TRPM3: variants seen among roughly 807,000 people sequenced by gnomAD.
TRPM3 encodes the protein long transient receptor potential channel 3.
TRPM3 carries 77 observed loss-of-function variants against 181.2 expected under a neutral mutation model. That is an observed-to-expected ratio of 0.42 (90% confidence interval 0.35 to 0.51). The LOEUF (loss-of-function observed/expected upper bound fraction) is 0.51. TRPM3 is among the 20% of genes least tolerant of loss of function. The pLI is 0.01. For synonymous variants in TRPM3, 745 were observed against 796.4 expected, an observed-to-expected ratio of 0.94 and a Z score of 1.09; for missense variants, 1,759 against 2,196.7, an observed-to-expected ratio of 0.80 and a Z score of 3.98.
At chr9:70,643,411 A>G (rs2058364406) in intron 9 of TRPM3, among the ~76,000 whole-genome samples, 1 of 152,218 alleles carries the variant, frequency 6.6e-6, no homozygotes, top group African/African-American at 2.4e-5. Context: ...CCTGAACAGG[A>G]ACACATAGCA....
chr9:71,066,729 A>T (rs2061978471), intron 1 of TRPM3, among the ~76,000 whole-genome samples: 1 of 152,102 alleles, frequency 6.6e-6, no homozygotes, highest in African/African-American at 2.4e-5. Flanking sequence ...TCTCTTTTTT[A>T]TGAGATGTAG....
intron 7 of TRPM3, chr9:70,775,219 A>T (rs1048214207): frequency 6.6e-6 from 1 of 152,180 alleles, no homozygotes; most frequent in African/African-American, 2.4e-5. Flanking sequence ...ACATTTTATT[A>T]TTTGCACCTC....
At chr9:71,188,567 A>C (rs2134979033) in intron 1 of TRPM3, among the ~76,000 whole-genome samples, 1 of 152,030 alleles carries the variant, frequency 6.6e-6, no homozygotes, top group East Asian at 1.9e-4. Flanking sequence ...ATACTCAACC[A>C]CTGAGTTTGA....
intron 1 of TRPM3, among the ~76,000 whole-genome samples, chr9:71,404,973 T>C (rs2093410045): frequency 6.6e-6 from 1 of 152,218 alleles, no homozygotes; most frequent in Non-Finnish European, 1.5e-5. Context: ...CATTGGTCCA[T>C]GACCCCTTCG....
intron 1 of TRPM3, among the ~76,000 whole-genome samples, chr9:71,060,348 C>T (rs1013584246): frequency 2.6e-5 from 4 of 152,100 alleles, no homozygotes; most frequent in African/African-American, 9.7e-5. Context: ...CTCAGCATTT[C>T]CTTTGCACCA....
chr9:70,794,121 G>A (rs1377880322), intron 6 of TRPM3, among the ~76,000 whole-genome samples: 1 of 151,962 alleles, frequency 6.6e-6, no homozygotes, highest in East Asian at 1.9e-4. Context: ...ACTTTAAGAT[G>A]AACTATTCAG....
intron 1 of TRPM3, among the ~76,000 whole-genome samples, chr9:71,389,125 C>G (rs552796736): frequency 5.3e-5 from 8 of 151,934 alleles, no homozygotes; most frequent in Non-Finnish European, 7.4e-5. Context: ...CTACAACGAA[C>G]TCAAAGCAGT....
rs377489474 is a variant in TRPM3, at chr9:71,167,411, G to A, written c.183+279242C>T. Among the ~76,000 whole-genome samples, 14 of 149,172 alleles carry A rather than the reference G, an allele frequency of 9.4e-5. No homozygotes were observed. The South Asian group carries it at 2.9e-3, about 31-fold the overall frequency. ...ACTAGAAGACATGAAGGACACAAGC[G>A]TGAACTTACCAGAATAATGCCTGCC... On this transcript the variant is annotated intron_variant, in intron 1 of 24. Transcript: ENST00000357533.
At chr9:70,999,238 C>A (rs1315455656) in intron 1 of TRPM3, among the ~76,000 whole-genome samples, 1 of 152,132 alleles carries the variant, frequency 6.6e-6, no homozygotes, top group African/African-American at 2.4e-5. Flanking sequence ...TCTATCCATC[C>A]GAAGTAGATC....
intron 1 of TRPM3, among the ~76,000 whole-genome samples, chr9:71,113,656 A>G (rs1565224975): frequency 6.6e-6 from 1 of 152,166 alleles, no homozygotes; most frequent in Non-Finnish European, 1.5e-5. Flanking sequence ...ATGATCCCTT[A>G]AAAAATAATT....
chr9:71,348,123 A>C (rs1207183922), intron 1 of TRPM3, among the ~76,000 whole-genome samples: 1 of 152,236 alleles, frequency 6.6e-6, no homozygotes, highest in African/African-American at 2.4e-5. Context: ...CTAAAAAGAA[A>C]ATTATTTTTG....
intron 1 of TRPM3, among the ~76,000 whole-genome samples, chr9:71,276,996 A>G (rs1399458647): frequency 6.6e-6 from 1 of 152,214 alleles, no homozygotes; most frequent in Non-Finnish European, 1.5e-5. Context: ...CTAATCACTG[A>G]AGTAGGTGAA....
intron 1 of TRPM3, among the ~76,000 whole-genome samples, chr9:71,337,423 G>A (rs548108362): frequency 6.4e-4 from 97 of 152,172 alleles, no homozygotes; most frequent in African/African-American, 2.3e-3. Context: ...AAGTCAGGAA[G>A]CAACAGATGC....
At chr9:70,756,668 T>A (rs904127934) in intron 8 of TRPM3, among the ~76,000 whole-genome samples, 14 of 152,112 alleles carry the variant, frequency 9.2e-5, no homozygotes, top group Non-Finnish European at 2.9e-5. Flanking sequence ...AAATTAGAAC[T>A]CAGGATTAAA....
chr9:71,067,611 CACTT>C (rs1405135297), intron 1 of TRPM3, among the ~76,000 whole-genome samples: 6 of 152,264 alleles, frequency 3.9e-5, no homozygotes, highest in African/African-American at 1.2e-4. Flanking sequence ...ACAATAATAT[CACTT>C]ACTTTCTGGG....
At chr9:70,798,252 G>A (rs980644657) in intron 6 of TRPM3, among the ~76,000 whole-genome samples, 3 of 151,944 alleles carry the variant, frequency 2.0e-5, no homozygotes, top group South Asian at 2.1e-4. Context: ...ACAGAGTTTC[G>A]CCATGTTGCC....
In TRPM3 at chr9:70,530,318, G is replaced by A. The variant is rs1173731377; in HGVS notation, c.*5635C>T. 1 of 152,252 alleles carries A rather than the reference G, an allele frequency of 6.6e-6. No individual in the cohort carries two copies. The highest frequency in any genetic ancestry group is 1.5e-5 in the Non-Finnish European group (1 of 68,134). The allele number at this position is 152,252 out of a possible 1,614,324, so 9.4% of individuals were successfully genotyped here. ...GAAGCAAGAAGAGGGGAGAAAGAAA[G>A]CCGCACATCCAGGCACAAGGCTGAA... On this transcript the variant is annotated 3_prime_UTR_variant, in exon 26 of 26. Coordinates refer to ENST00000677713, the MANE Select transcript of TRPM3 (RefSeq NM_001366145.2).
At chr9:70,910,433 T>G (rs1441504314) in intron 1 of TRPM3, among the ~76,000 whole-genome samples, 10 of 152,176 alleles carry the variant, frequency 6.6e-5, no homozygotes. Flanking sequence ...ATATTTAAGG[T>G]GCTGTCTGAA....
chr9:71,133,963 CTGTGTGTGTTTGTGTGTGTGTG>C (rs1565260719), intron 1 of TRPM3, among the ~76,000 whole-genome samples: 1 of 131,802 alleles, frequency 7.6e-6, no homozygotes, highest in African/African-American at 2.9e-5. Flanking sequence ...ACTATCTAAA[CTGTGTGTGTTTGTGTGTGTGTG>C]TGTGTGTGTG....
Sources: gnomAD v4.1 joint callset for allele counts (sites outside exome capture counted in the v4.1 genomes callset) on GRCh38, gnomAD v4.1.1 for gene constraint, MANE v1.5 for transcripts, NCBI Gene and HGNC (gene_info 2026-07-23, HGNC 2026-07-21) for gene names.